Variants in PDSS2 observed in about 807,000 individuals in gnomAD.
PDSS2 encodes all trans-polyprenyl-diphosphate synthase PDSS2.
PDSS2 carries 31 observed loss-of-function variants against 44.5 expected under a neutral mutation model. The ratio of observed to expected loss-of-function variants is 0.70; its 90% CI spans 0.52 to 0.94. The LOEUF is 0.94. Among genes scored for constraint, PDSS2 ranks in the 40% least tolerant of loss-of-function variants. The pLI, the probability that PDSS2 is intolerant of heterozygous loss-of-function variation, is 0.00. For missense variants in PDSS2, 452 were observed against 482.2 expected (o/e 0.94, Z 0.59); for synonymous variants, 157 against 180.3 (o/e 0.87, Z 1.03).
At chr6:107,288,263 G>A (rs1376986665) in intron 2 of PDSS2, among the ~76,000 whole-genome samples, 1 of 152,190 alleles carries the variant, frequency 6.6e-6, no homozygotes, top group Admixed American at 6.5e-5. Context: ...TAAAAAGAAT[G>A]TGGTACGGCC....
rs1159521957 is a variant in PDSS2 at position 107,153,198 on chromosome 6, G to C, written c.*1421C>G. On this transcript the variant is annotated 3_prime_UTR_variant, in exon 8 of 8. Transcript: ENST00000369037. ...CTGTTTGCTGTATTCGCTGTCTCCA[G>C]ATAGGGCTGTAATTACACCACATGA... The C allele has an allele frequency of 6.6e-6, 1 of 152,602 alleles. No homozygotes were observed. Among genetic ancestry groups the C allele is most frequent in the Admixed American group, 6.5e-5 (1 of 15,268 alleles). The allele number at this position is 152,602 out of a possible 1,614,324, so 9.5% of individuals were successfully genotyped here.
chr6:107,457,536 G>A (rs1436441611), intron 1 of PDSS2, among the ~76,000 whole-genome samples: 1 of 152,142 alleles, frequency 6.6e-6, no homozygotes, highest in African/African-American at 2.4e-5. Context: ...AGCATCCCTG[G>A]CCTCTATCCA....
At chr6:107,198,867 G>A (rs538817720) in intron 6 of PDSS2, among the ~76,000 whole-genome samples, 91 of 152,088 alleles carry the variant, frequency 6.0e-4, no homozygotes, top group Middle Eastern at 3.4e-3. Flanking sequence ...ATGGTGGCGC[G>A]CACCTGTAAT....
intron 2 of PDSS2, among the ~76,000 whole-genome samples, chr6:107,302,535 T>C (rs2115070831): frequency 6.6e-6 from 1 of 152,260 alleles, no homozygotes; most frequent in East Asian, 1.9e-4. Context: ...TTCTAAACGC[T>C]GAGATTACAG....
chr6:107,427,273 A>T (rs1327186667), intron 1 of PDSS2, among the ~76,000 whole-genome samples: 1 of 152,172 alleles, frequency 6.6e-6, no homozygotes, highest in Non-Finnish European at 1.5e-5. Flanking sequence ...CATGTAGGCT[A>T]TCCACAAACC....
intron 1 of PDSS2, among the ~76,000 whole-genome samples, chr6:107,383,812 G>T (rs1041166934): frequency 6.6e-6 from 1 of 152,112 alleles, no homozygotes; most frequent in Non-Finnish European, 1.5e-5. Context: ...GTGGAGAAAT[G>T]GAACCTTCAT....
intron 6 of PDSS2, among the ~76,000 whole-genome samples, chr6:107,205,736 G>GT (rs1251791972): frequency 1.3e-5 from 2 of 152,148 alleles, no homozygotes; most frequent in African/African-American, 4.8e-5. Context: ...TAGGCCTATA[G>GT]TTGTGATGGA....
chr6:107,225,118 C>G (rs1183078723), intron 4 of PDSS2, among the ~76,000 whole-genome samples: 3 of 102,318 alleles, frequency 2.9e-5, no homozygotes, highest in Non-Finnish European at 5.2e-5. Context: ...ACGAAGGAAG[C>G]TTCACTATAT....
intron 1 of PDSS2, among the ~76,000 whole-genome samples, chr6:107,408,090 T>C (rs1025651380): frequency 4.0e-5 from 6 of 151,616 alleles, no homozygotes; most frequent in African/African-American, 1.5e-4. Context: ...TGCAGTGGCA[T>C]GATCTTGGCT....
intron 5 of PDSS2, among the ~76,000 whole-genome samples, chr6:107,211,614 CA>C (rs1251326586): frequency 6.6e-6 from 1 of 151,730 alleles, no homozygotes; most frequent in Non-Finnish European, 1.5e-5. Context: ...CCTGTAATCC[CA>C]GCTACTCAGG....
intron 1 of PDSS2, among the ~76,000 whole-genome samples, chr6:107,428,706 G>A (rs1467482750): frequency 6.6e-6 from 1 of 152,008 alleles, no homozygotes; most frequent in African/African-American, 2.4e-5. Flanking sequence ...GTATAGTAGT[G>A]TACACCTATA....
intron 1 of PDSS2, among the ~76,000 whole-genome samples, chr6:107,381,792 A>G (rs913654773): frequency 6.6e-6 from 1 of 152,174 alleles, no homozygotes; most frequent in African/African-American, 2.4e-5. Flanking sequence ...TTATTTTCCA[A>G]TATATAAGCT....
At chr6:107,303,151 G>A (rs915311135) in intron 2 of PDSS2, among the ~76,000 whole-genome samples, 1 of 152,174 alleles carries the variant, frequency 6.6e-6, no homozygotes, top group East Asian at 1.9e-4. Flanking sequence ...TCGCAGAAGA[G>A]CAAGGGAGTG....
chr6:107,438,002 T>C (rs147241658), intron 1 of PDSS2, among the ~76,000 whole-genome samples: 1 of 152,092 alleles, frequency 6.6e-6, no homozygotes, highest in African/African-American at 2.4e-5. Flanking sequence ...CAGAAAGCAA[T>C]GAGAGGCACC....
Position 107,341,311 on chromosome 6 carries a change from T to C in PDSS2, c.297-6979A>G, listed in dbSNP as rs181457147. On this transcript the variant is annotated intron_variant, in intron 1 of 7. Transcript: ENST00000369037. ...AAGGAATGTAAGATTCCAACCTGTT[T>C]GCTGGAGGTGATAATGCTACCGTTA... is the stretch of plus-strand genomic sequence containing the variant. Among the ~76,000 whole-genome samples, 235 of 152,248 alleles carry C rather than the reference T, an allele frequency of 1.5e-3. 2 individuals carry two copies. The highest frequency in any genetic ancestry group is 5.4e-3 in the African/African-American group (225 of 41,548).
At chr6:107,266,209 G>C (rs1355603421) in intron 3 of PDSS2, among the ~76,000 whole-genome samples, 2 of 152,136 alleles carry the variant, frequency 1.3e-5, no homozygotes, top group Non-Finnish European at 2.9e-5. Flanking sequence ...GGGAATTCCT[G>C]ACTTTCAAGA....
At position 107,279,709 on chromosome 6, in the gene PDSS2, C is replaced by T. The variant is rs576554515; in HGVS notation, c.432-5482G>A. ...TTAAAAAGATTTAAAAAAATGATTA[C>T]TATTATTGGTACCTATTTTTCTATA... On this transcript the variant is annotated intron_variant, in intron 2 of 7. Transcript: ENST00000369037. Among the ~76,000 whole-genome samples the T allele has an allele frequency of 5.3e-5, 8 of 152,240 alleles. No homozygotes were observed. In the South Asian group the frequency reaches 1.7e-3, roughly 32 times the overall value.
intron 6 of PDSS2, among the ~76,000 whole-genome samples, chr6:107,207,599 G>A (rs893151796): frequency 6.9e-6 from 1 of 145,604 alleles, no homozygotes; most frequent in Non-Finnish European, 1.5e-5. Context: ...AATAAACTCA[G>A]TAAAGTGTCT....
At chr6:107,254,275 G>A (rs140482968) in intron 3 of PDSS2, among the ~76,000 whole-genome samples, 35 of 151,870 alleles carry the variant, frequency 2.3e-4, no homozygotes, top group African/African-American at 8.5e-4. Context: ...CTCGTGATCT[G>A]CCCACCTTGG....
Sources: gnomAD v4.1 joint callset for allele counts (sites outside exome capture counted in the v4.1 genomes callset) on GRCh38, gnomAD v4.1.1 for gene constraint, MANE v1.5 for transcripts, NCBI Gene and HGNC (gene_info 2026-07-23, HGNC 2026-07-21) for gene names.